The following ANK3 variants were observed in gnomAD, a reference collection of about 807,000 sequenced individuals.
The protein encoded by ANK3 is ankyrin 3, also known as ankyrin-3.
In ANK3, 57 loss-of-function variants were observed where a neutral mutation model predicts 370.9. That is an observed-to-expected ratio of 0.15 (90% CI 0.12 to 0.19). The LOEUF is 0.19. Among genes scored for constraint, ANK3 ranks in the 10% least tolerant of loss-of-function variants. The pLI, the probability that ANK3 is intolerant of heterozygous loss-of-function variation, is 1.00. For synonymous variants in ANK3, 1,929 were observed against 1,946.3 expected (o/e 0.99, Z 0.23); for missense variants, 4,439 against 5,302.1 (o/e 0.84, Z 5.06).
intron 2 of ANK3, among the ~76,000 whole-genome samples, chr10:60,395,596 C>CTTTT (rs1330591385): frequency 3.2e-5 from 4 of 123,858 alleles, no homozygotes; most frequent in Non-Finnish European, 6.5e-5. Flanking sequence ...TTCTTTCTTT[C>CTTTT]TTTCTTTCTT....
chr10:60,193,632 G>A (rs2096534605), intron 16 of ANK3, among the ~76,000 whole-genome samples: 1 of 148,660 alleles, frequency 6.7e-6, no homozygotes, highest in African/African-American at 2.5e-5. Context: ...TCCAGTCTGG[G>A]TGACAAAAAA....
At chr10:60,485,096 AG>A in intron 2 of ANK3, among the ~76,000 whole-genome samples, 1 of 152,322 alleles carries the variant, frequency 6.6e-6, no homozygotes, top group Middle Eastern at 3.4e-3. Flanking sequence ...TAGGACACCC[AG>A]GTAATAGCAC....
intron 13 of ANK3, 136 bp from the exon 14 acceptor site, chr10:60,198,673 T>G (rs1394833471): frequency 6.9e-6 from 5 of 726,450 alleles, no homozygotes; most frequent in Non-Finnish European, 1.2e-5. Flanking sequence ...AAAACTCATT[T>G]GTCTTTTTCT....
intron 2 of ANK3, among the ~76,000 whole-genome samples, chr10:60,478,163 A>C (rs529629567): frequency 3.3e-5 from 5 of 152,216 alleles, no homozygotes; most frequent in African/African-American, 7.2e-5. Flanking sequence ...TCCAGAGTCC[A>C]ACCATGAAGC....
At chr10:60,296,429 A>G (rs1016533746) in intron 1 of ANK3, among the ~76,000 whole-genome samples, 3 of 152,314 alleles carry the variant, frequency 2.0e-5, no homozygotes, top group South Asian at 4.1e-4. Flanking sequence ...AAACTTCTAC[A>G]TGGAAAATGA....
intron 2 of ANK3, among the ~76,000 whole-genome samples, chr10:60,496,930 C>T (rs1159275491): frequency 6.6e-6 from 1 of 152,022 alleles, no homozygotes; most frequent in East Asian, 1.9e-4. Context: ...CATTGGTGTT[C>T]AATTCTCTCT....
At chr10:60,300,320 T>C (rs1470781583) in intron 1 of ANK3, 1 of 1,280,706 alleles carries the variant, frequency 7.8e-7, no homozygotes, top group African/African-American at 1.5e-5. Flanking sequence ...AATGCTTACT[T>C]GTTCTGGGAA....
At position 60,081,652 on chromosome 10, in the gene ANK3, G is replaced by A. The variant is rs72818492; in HGVS notation, c.4350+498C>T. On this transcript the variant is annotated intron_variant, in intron 35 of 43. Transcript: ENST00000280772. ...CAATAAAATTGCACATATTAAACGT[G>A]ATCTTGATTTAAATGTTATAACATG... is the stretch of plus-strand genomic sequence containing the variant. 1,120 of 330,058 alleles carry A rather than the reference G, an allele frequency of 3.4e-3. 5 individuals carry two copies. Among genetic ancestry groups the A allele is most frequent in the Non-Finnish European group, 4.2e-3 (701 of 167,998 alleles). The allele number at this position is 330,058 out of a possible 1,614,324, so 20.4% of individuals were successfully genotyped here.
chr10:60,480,984 A>G (rs1452581103), intron 2 of ANK3, among the ~76,000 whole-genome samples: 1 of 152,206 alleles, frequency 6.6e-6, no homozygotes, highest in Non-Finnish European at 1.5e-5. Context: ...CTGCCAGTGC[A>G]CACACCGACA....
chr10:60,672,841 C>G (rs539169110), intron 1 of ANK3, among the ~76,000 whole-genome samples: 2 of 152,158 alleles, frequency 1.3e-5, no homozygotes, highest in Admixed American at 6.5e-5. Flanking sequence ...AAAGCTGACT[C>G]TACTCGAGGC....
At chr10:60,523,461 A>T (rs1051088421) in intron 2 of ANK3, among the ~76,000 whole-genome samples, 4 of 137,720 alleles carry the variant, frequency 2.9e-5, no homozygotes, top group East Asian at 2.2e-4. Context: ...TCATTGTTCA[A>T]TTCCCACCTA....
intron 1 of ANK3, among the ~76,000 whole-genome samples, chr10:60,686,040 T>A (rs1410168045): frequency 6.6e-6 from 1 of 152,116 alleles, no homozygotes; most frequent in Non-Finnish European, 1.5e-5. Context: ...CCAATTAAAA[T>A]AAAAATCGAA....
chr10:60,558,582 C>T (rs1032404198), intron 2 of ANK3, among the ~76,000 whole-genome samples: 6 of 152,118 alleles, frequency 3.9e-5, no homozygotes, highest in African/African-American at 1.2e-4. Flanking sequence ...AATGAGAGTG[C>T]CAAGGATTTT....
chr10:60,194,641 T>G (rs758541581), intron 16 of ANK3, among the ~76,000 whole-genome samples: 1 of 152,254 alleles, frequency 6.6e-6, no homozygotes, highest in Non-Finnish European at 1.5e-5. Context: ...AGTGAGTATA[T>G]GCATTCATCC....
At chr10:60,579,099 G>A (rs933359687) in intron 2 of ANK3, among the ~76,000 whole-genome samples, 9 of 152,068 alleles carry the variant, frequency 5.9e-5, no homozygotes, top group African/African-American at 2.2e-4. Context: ...GGCTGAGGCA[G>A]GCGGATCATG....
At chr10:60,043,225 C>G (rs1399720791) in intron 42 of ANK3, 2 of 986,454 alleles carry the variant, frequency 2.0e-6, no homozygotes, top group Non-Finnish European at 2.4e-6. Flanking sequence ...AAGAAGGCAT[C>G]TATTTTGCAT....
At chr10:60,204,837 G>T (rs1283497951) in intron 11 of ANK3, among the ~76,000 whole-genome samples, 1 of 152,122 alleles carries the variant, frequency 6.6e-6, no homozygotes, top group East Asian at 1.9e-4. Flanking sequence ...ATGGTTCCTA[G>T]AAGGAACATG....
chr10:60,257,562 A>G (rs16914663), intron 7 of ANK3, among the ~76,000 whole-genome samples: 14,542 of 152,304 alleles, frequency 0.095, 843 homozygotes, highest in South Asian at 0.17. Flanking sequence ...GTTATTTCAC[A>G]CAAAAATTGT....
chr10:60,207,060 T>C (rs767703119), intron 10 of ANK3, among the ~76,000 whole-genome samples: 8 of 152,206 alleles, frequency 5.3e-5, no homozygotes, highest in Non-Finnish European at 1.0e-4. Flanking sequence ...CTAATTTCCT[T>C]TCCTCCCTTC....
Sources: allele counts gnomAD v4.1 joint callset (sites outside exome capture counted in the v4.1 genomes callset), GRCh38; gene constraint gnomAD v4.1.1; transcripts MANE v1.5; gene names NCBI Gene and HGNC (gene_info 2026-07-23, HGNC 2026-07-21).